The following CSMD1 variants were observed in gnomAD, a reference collection of about 807,000 sequenced individuals.
CSMD1 encodes the protein CUB and sushi domain-containing protein 1.
A neutral mutation model predicts 417.5 loss-of-function variants in CSMD1; 213 were observed. The observed-to-expected ratio is 0.51, with a 90% CI of 0.46 to 0.57. The LOEUF is 0.57. Among genes scored for constraint, CSMD1 ranks in the 20% least tolerant of loss-of-function variants. The probability of loss-of-function intolerance (pLI) is 0.00; values close to 1 mark genes in which losing one functional copy is unlikely to be tolerated. For missense variants in CSMD1, 6,923 were observed against 4,529.7 expected, an observed-to-expected ratio of 1.53 and a Z score of -15.17; for synonymous variants, 2,862 against 1,736.8, an observed-to-expected ratio of 1.65 and a Z score of -16.11.
Position 3,220,425 on chromosome 8 carries a change from G to C in CSMD1, c.4485-983C>G, listed in dbSNP as rs1209376836. ...GTTTGCCATTGGTGATGTGTAGGCT[G>C]ATAGAGTCTCTGAGCTTTAAAACTA... On this transcript the variant is annotated intron_variant, in intron 28 of 69. Transcript: ENST00000635120. Among the ~76,000 whole-genome samples, 5 of 152,308 alleles carry C rather than the reference G, an allele frequency of 3.3e-5. No homozygotes were observed. In the South Asian group the frequency reaches 8.3e-4, roughly 25 times the overall value.
chr8:3,404,391 C>A (rs940319764), intron 15 of CSMD1, among the ~76,000 whole-genome samples: 1 of 150,732 alleles, frequency 6.6e-6, no homozygotes, highest in East Asian at 2.0e-4. Flanking sequence ...TGAGTAACTT[C>A]TTTGGAGGTG....
chr8:3,831,242 T>C (rs1431772135), intron 5 of CSMD1, among the ~76,000 whole-genome samples: 1 of 152,190 alleles, frequency 6.6e-6, no homozygotes, highest in Non-Finnish European at 1.5e-5. Flanking sequence ...AAACAAAGTT[T>C]TGAGAGAATA....
At chr8:4,866,632 G>A (rs1311515745) in intron 1 of CSMD1, among the ~76,000 whole-genome samples, 1 of 151,712 alleles carries the variant, frequency 6.6e-6, no homozygotes, top group African/African-American at 2.4e-5. Flanking sequence ...CCTCAAATGA[G>A]ATTCATATGC....
intron 1 of CSMD1, among the ~76,000 whole-genome samples, chr8:4,798,902 A>C (rs1354553534): frequency 6.6e-6 from 1 of 152,184 alleles, no homozygotes; most frequent in Non-Finnish European, 1.5e-5. Context: ...CCTCAGACCA[A>C]AGTAAAAATT....
chr8:4,181,506 T>C (rs2131177575), intron 3 of CSMD1, among the ~76,000 whole-genome samples: 1 of 152,196 alleles, frequency 6.6e-6, no homozygotes, highest in East Asian at 1.9e-4. Flanking sequence ...TTTAAAAAAA[T>C]CACCAGAAAA....
In CSMD1 at chr8:2,959,394, C is replaced by T. The variant is rs145029347; in HGVS notation, c.9703-1587G>A. ...GATTACAGGCGTGAGCTGCTGCTCC[C>T]AGCCCACTTCCTCTCTATCAGGAAC... On this transcript the variant is annotated intron_variant, in intron 62 of 69. Coordinates refer to ENST00000635120, the MANE Select transcript of CSMD1 (RefSeq NM_033225.6). Among the ~76,000 whole-genome samples the T allele has an allele frequency of 9.4e-3, 1,425 of 152,302 alleles. 9 individuals are homozygous for T. The highest frequency in any genetic ancestry group is 0.017 in the Middle Eastern group (5 of 294).
At chr8:3,123,852 G>A (rs972493604) in intron 41 of CSMD1, among the ~76,000 whole-genome samples, 2 of 152,200 alleles carry the variant, frequency 1.3e-5, no homozygotes, top group African/African-American at 4.8e-5. Flanking sequence ...ACACAGGAGT[G>A]TTAATAGTAT....
At chr8:4,159,003 C>T (rs933745920) in intron 3 of CSMD1, among the ~76,000 whole-genome samples, 1 of 152,192 alleles carries the variant, frequency 6.6e-6, no homozygotes, top group Non-Finnish European at 1.5e-5. Context: ...ACAACCTTCA[C>T]CTCCCAGATT....
At chr8:4,438,907 G>C (rs368802647) in intron 2 of CSMD1, among the ~76,000 whole-genome samples, 36 of 152,174 alleles carry the variant, frequency 2.4e-4, no homozygotes, top group African/African-American at 5.1e-4. Flanking sequence ...CGGAGTTTAA[G>C]TATGCATAAG....
chr8:3,738,087 T>C (rs901111948), intron 6 of CSMD1, among the ~76,000 whole-genome samples: 1 of 152,210 alleles, frequency 6.6e-6, no homozygotes, highest in Non-Finnish European at 1.5e-5. Flanking sequence ...ATAGTCTCTT[T>C]CCATTAGCAC....
At chr8:4,130,794 T>A (rs1354901178) in intron 3 of CSMD1, among the ~76,000 whole-genome samples, 1 of 151,858 alleles carries the variant, frequency 6.6e-6, no homozygotes, top group Non-Finnish European at 1.5e-5. Context: ...CTGTCAATGC[T>A]TACAAATTAT....
At chr8:3,263,753 CAACT>C (rs1390160895) in intron 26 of CSMD1, among the ~76,000 whole-genome samples, 2 of 152,108 alleles carry the variant, frequency 1.3e-5, no homozygotes, top group African/African-American at 2.4e-5. Context: ...ATTGTAAAGT[CAACT>C]AACTTTCTTT....
At chr8:4,204,599 G>C (rs188990156) in intron 3 of CSMD1, among the ~76,000 whole-genome samples, 2 of 152,220 alleles carry the variant, frequency 1.3e-5, no homozygotes, top group Admixed American at 6.5e-5. Context: ...AAAAATAATT[G>C]CATAAAAGTG....
chr8:4,062,652 C>T (rs540655934), intron 3 of CSMD1, among the ~76,000 whole-genome samples: 10 of 151,980 alleles, frequency 6.6e-5, no homozygotes, highest in African/African-American at 1.9e-4. Context: ...TCAGTAGTCA[C>T]GTGCAGAAAC....
intron 1 of CSMD1, among the ~76,000 whole-genome samples, chr8:4,769,760 CT>C (rs1220246657): frequency 9.2e-5 from 14 of 152,160 alleles, no homozygotes; most frequent in Non-Finnish European, 2.1e-4. Context: ...CCTGCTGCCC[CT>C]CCCTTGCCTT....
At chr8:4,865,808 G>A (rs879943988) in intron 1 of CSMD1, among the ~76,000 whole-genome samples, 1 of 151,608 alleles carries the variant, frequency 6.6e-6, no homozygotes, top group African/African-American at 2.4e-5. Flanking sequence ...TTTTTAAAAG[G>A]TCCTCCTTTA....
At chr8:4,947,294 G>A (rs1018977738) in intron 1 of CSMD1, among the ~76,000 whole-genome samples, 1 of 152,108 alleles carries the variant, frequency 6.6e-6, no homozygotes, top group Admixed American at 6.5e-5. Flanking sequence ...AAACCTATAA[G>A]ACCATTTGGT....
intron 23 of CSMD1, among the ~76,000 whole-genome samples, chr8:3,339,159 A>G (rs573623553): frequency 3.3e-5 from 5 of 152,194 alleles, no homozygotes; most frequent in Non-Finnish European, 4.4e-5. Context: ...TACAAAGGAC[A>G]TGAACTCATC....
chr8:3,183,677 C>T (rs889034161), intron 36 of CSMD1, among the ~76,000 whole-genome samples: 3 of 152,254 alleles, frequency 2.0e-5, no homozygotes, highest in South Asian at 2.1e-4. Context: ...CTATCCATCC[C>T]TGAAACATCG....
Sources: allele counts gnomAD v4.1 joint callset (sites outside exome capture counted in the v4.1 genomes callset), GRCh38; gene constraint gnomAD v4.1.1; transcripts MANE v1.5; gene names NCBI Gene and HGNC (gene_info 2026-07-23, HGNC 2026-07-21).